The following AP1S3 variants were observed in gnomAD, a reference collection of about 807,000 sequenced individuals.
The protein encoded by AP1S3 is AP-1 complex subunit sigma-3.
AP1S3 carries 10 observed loss-of-function variants against 20.9 expected under a neutral mutation model. The ratio of observed to expected loss-of-function variants is 0.48; its 90% CI spans 0.29 to 0.81. The LOEUF is 0.81. AP1S3 is among the 30% of genes least tolerant of loss of function. The pLI is 0.08. For synonymous variants in AP1S3, 41 were observed against 61.5 expected (o/e 0.67, Z 1.56); for missense variants, 154 against 183.8 (o/e 0.84, Z 0.94).
chr2:223,834,965 G>A (rs1166618641), intron 1 of AP1S3, among the ~76,000 whole-genome samples: 1 of 149,872 alleles, frequency 6.7e-6, no homozygotes, highest in African/African-American at 2.5e-5. Context: ...TCAATCTGTT[G>A]TACTATCTCA....
At chr2:223,816,069 C>T (rs183951195) in intron 1 of AP1S3, among the ~76,000 whole-genome samples, 64 of 152,298 alleles carry the variant, frequency 4.2e-4, no homozygotes, top group African/African-American at 1.5e-3. Context: ...GTGATCATGC[C>T]ACTGCGCTCC....
chr2:223,802,028 A>C (rs1275421134), intron 1 of AP1S3, among the ~76,000 whole-genome samples: 1 of 152,220 alleles, frequency 6.6e-6, no homozygotes, highest in Non-Finnish European at 1.5e-5. Context: ...TAACTAGTTT[A>C]GCTTGATCAA....
At chr2:223,821,459 T>C (rs893225629) in intron 1 of AP1S3, among the ~76,000 whole-genome samples, 1 of 152,138 alleles carries the variant, frequency 6.6e-6, no homozygotes, top group African/African-American at 2.4e-5. Flanking sequence ...CCAGCCAGTT[T>C]TGTTAACTTT....
chr2:223,780,276 AATAT>A (rs138804582), intron 1 of AP1S3, among the ~76,000 whole-genome samples: 125 of 24,312 alleles, frequency 5.1e-3, no homozygotes, highest in East Asian at 8.1e-3. Flanking sequence ...ATGCCTGGCT[AATAT>A]ATATATATAT....
chr2:223,766,382 T>C (rs1305980234), intron 3 of AP1S3, among the ~76,000 whole-genome samples: 1 of 152,258 alleles, frequency 6.6e-6, no homozygotes, highest in African/African-American at 2.4e-5. Context: ...GTTGGTTGCC[T>C]GTTCACTCTG....
chr2:223,799,228 C>G (rs1691414296), intron 1 of AP1S3, among the ~76,000 whole-genome samples: 1 of 149,856 alleles, frequency 6.7e-6, no homozygotes, highest in Non-Finnish European at 1.5e-5. Flanking sequence ...CACACACACA[C>G]ACACACACAC....
At chr2:223,794,052 G>A (rs1376272491) in intron 1 of AP1S3, among the ~76,000 whole-genome samples, 2 of 152,162 alleles carry the variant, frequency 1.3e-5, no homozygotes, top group African/African-American at 2.4e-5. Flanking sequence ...TTGGATTAAA[G>A]AGGTTTCACC....
At chr2:223,764,077 C>A (rs1690422293) in intron 4 of AP1S3, among the ~76,000 whole-genome samples, 1 of 152,092 alleles carries the variant, frequency 6.6e-6, no homozygotes, top group African/African-American at 2.4e-5. Flanking sequence ...CATCCCCATG[C>A]CCGGCTAATT....
intron 4 of AP1S3, among the ~76,000 whole-genome samples, chr2:223,763,888 GA>G (rs1288516004): frequency 2.0e-5 from 3 of 151,974 alleles, no homozygotes; most frequent in Non-Finnish European, 2.9e-5. Flanking sequence ...CAAATAGCAG[GA>G]AAAAAGTAGC....
chr2:223,822,686 AAAAAATAAATAAAGT>A (rs1316939588), intron 1 of AP1S3, among the ~76,000 whole-genome samples: 1 of 152,178 alleles, frequency 6.6e-6, no homozygotes, highest in Non-Finnish European at 1.5e-5. Context: ...CTCCATCTCA[AAAAAATAAATAAAGT>A]AAAAATAAAA....
rs935918658 is a variant in AP1S3, at chr2:223,756,265, A to G, written c.*2450T>C. ...GGCAGGAGAATCGTTTGAACCCAGGAGACGGAGGCTGCAGTGACCTGAGAT... is the reference window on the plus strand; with the variant it reads ...GGCAGGAGAATCGTTTGAACCCAGGGGACGGAGGCTGCAGTGACCTGAGAT... On this transcript the variant is annotated 3_prime_UTR_variant, in exon 5 of 5. Transcript: ENST00000396654. 1.3e-5 allele frequency among the ~76,000 whole-genome samples: 2 copies of G among 152,076 alleles called. No homozygotes were observed. Among genetic ancestry groups the G allele is most frequent in the African/African-American group, 2.4e-5 (1 of 41,400 alleles).
chr2:223,829,009 T>A, intron 1 of AP1S3, among the ~76,000 whole-genome samples: 1 of 151,982 alleles, frequency 6.6e-6, no homozygotes, highest in Non-Finnish European at 1.5e-5. Context: ...CTAGTTTTTG[T>A]ATTTTTAGTA....
chr2:223,776,148 C>G, intron 2 of AP1S3, 139 bp from the exon 3 acceptor site: 1 of 716,848 alleles, frequency 1.4e-6, no homozygotes, highest in East Asian at 2.7e-5. Context: ...TTCATCACCC[C>G]CAATAGCCTC....
intron 1 of AP1S3, among the ~76,000 whole-genome samples, chr2:223,829,815 C>G (rs544128177): frequency 1.4e-5 from 2 of 147,970 alleles, no homozygotes; most frequent in South Asian, 4.3e-4. Context: ...CCAGCCTGGG[C>G]AACAGAGTGA....
At chr2:223,769,836 CG>C (rs1442338239) in intron 3 of AP1S3, among the ~76,000 whole-genome samples, 2 of 148,844 alleles carry the variant, frequency 1.3e-5, no homozygotes, top group Admixed American at 6.8e-5. Context: ...CTCCGCCCCC[CG>C]GGGTTCACGC....
chr2:223,771,127 A>G (rs548270351), intron 3 of AP1S3, among the ~76,000 whole-genome samples: 2 of 151,606 alleles, frequency 1.3e-5, no homozygotes, highest in African/African-American at 4.8e-5. Context: ...TTTGAGGTCA[A>G]GAGTTCGAGA....
chr2:223,824,729 G>T (rs1462045106), intron 1 of AP1S3, among the ~76,000 whole-genome samples: 1 of 151,868 alleles, frequency 6.6e-6, no homozygotes, highest in Non-Finnish European at 1.5e-5. Context: ...GAGAGATAGG[G>T]TTTCACCATT....
intron 1 of AP1S3, among the ~76,000 whole-genome samples, chr2:223,822,022 C>T (rs746094508): frequency 3.3e-5 from 5 of 152,096 alleles, no homozygotes; most frequent in Non-Finnish European, 7.4e-5. Context: ...GTCCCCTCAT[C>T]GTCCAGTCCA....
At chr2:223,835,922 C>T (rs1692384570) in intron 1 of AP1S3, among the ~76,000 whole-genome samples, 1 of 152,192 alleles carries the variant, frequency 6.6e-6, no homozygotes, top group Admixed American at 6.5e-5. Flanking sequence ...GTGGACTGGG[C>T]ATCTGTCACC....
Sources: allele counts gnomAD v4.1 joint callset (sites outside exome capture counted in the v4.1 genomes callset), GRCh38; gene constraint gnomAD v4.1.1; transcripts MANE v1.5; gene names NCBI Gene and HGNC (gene_info 2026-07-23, HGNC 2026-07-21).